Variants in AP3B1 observed in about 807,000 individuals in gnomAD.
AP3B1 encodes the protein adaptor related protein complex 3 subunit beta 1.
Under a neutral mutation model 132.5 loss-of-function variants are expected in AP3B1, and 61 were observed. That is an observed-to-expected ratio of 0.46 (90% CI 0.37 to 0.57). The LOEUF is 0.57. Among genes scored for constraint, AP3B1 ranks in the 20% least tolerant of loss-of-function variants. The pLI is 0.00. For missense variants in AP3B1, 1,120 were observed against 1,289.4 expected (o/e 0.87, Z 2.01); for synonymous variants, 388 against 438.3 (o/e 0.89, Z 1.43).
At chr5:78,055,030 C>G (rs917713487) in intron 22 of AP3B1, among the ~76,000 whole-genome samples, 1 of 147,664 alleles carries the variant, frequency 6.8e-6, no homozygotes, top group African/African-American at 2.6e-5. Flanking sequence ...CACACACACA[C>G]ACACACACAC....
At chr5:78,276,353 C>T (rs2112575306) in intron 1 of AP3B1, among the ~76,000 whole-genome samples, 1 of 152,238 alleles carries the variant, frequency 6.6e-6, no homozygotes, top group South Asian at 2.1e-4. Flanking sequence ...CAAGTGTGAG[C>T]CACCATGCCA....
At chr5:78,124,838 T>C (rs1752393237) in intron 17 of AP3B1, among the ~76,000 whole-genome samples, 1 of 152,212 alleles carries the variant, frequency 6.6e-6, no homozygotes, top group Non-Finnish European at 1.5e-5. Context: ...AAAACGTTTG[T>C]TGGATTAATT....
chr5:78,057,441 A>T (rs371883352), intron 22 of AP3B1, among the ~76,000 whole-genome samples: 1 of 152,322 alleles, frequency 6.6e-6, no homozygotes, highest in East Asian at 1.9e-4. Context: ...CTAGCCAGGG[A>T]GATAATCATA....
intron 26 of AP3B1, among the ~76,000 whole-genome samples, chr5:78,003,835 A>T (rs895296816): frequency 2.6e-5 from 4 of 152,198 alleles, no homozygotes; most frequent in African/African-American, 9.7e-5. Context: ...ACTGCAATTG[A>T]CTGAAAAGCC....
intron 21 of AP3B1, among the ~76,000 whole-genome samples, chr5:78,095,118 CTG>C (rs1236927042): frequency 6.6e-6 from 1 of 152,182 alleles, no homozygotes; most frequent in Non-Finnish European, 1.5e-5. Flanking sequence ...GCCAGTTTAT[CTG>C]TTTTTCCCAT....
At chr5:78,183,430 AATAG>A in intron 7 of AP3B1, among the ~76,000 whole-genome samples, 1 of 152,342 alleles carries the variant, frequency 6.6e-6, no homozygotes, top group South Asian at 2.1e-4. Context: ...ACTGAATAAA[AATAG>A]ATAACTAGCA....
chr5:78,165,346 C>A (rs1425231408), intron 12 of AP3B1, among the ~76,000 whole-genome samples: 2 of 151,978 alleles, frequency 1.3e-5, no homozygotes. Context: ...GAAATTCTTA[C>A]CAGAAATACA....
chr5:78,204,743 G>A (rs903671014), intron 7 of AP3B1, among the ~76,000 whole-genome samples: 4 of 152,136 alleles, frequency 2.6e-5, no homozygotes, highest in East Asian at 1.9e-4. Flanking sequence ...ACCTCTTTGC[G>A]AACAGAATCT....
intron 7 of AP3B1, among the ~76,000 whole-genome samples, chr5:78,183,306 TCAAA>T (rs1744446171): frequency 6.6e-6 from 1 of 152,132 alleles, no homozygotes; most frequent in Non-Finnish European, 1.5e-5. Context: ...TAGAGTGGTA[TCAAA>T]CAAAGCCAGT....
chr5:78,201,470 T>G (rs191721899), intron 7 of AP3B1, among the ~76,000 whole-genome samples: 53 of 152,310 alleles, frequency 3.5e-4, no homozygotes, highest in Non-Finnish European at 5.9e-4. Context: ...AAAATAACAC[T>G]GAAAATATTA....
chr5:78,262,884 G>T (rs1023090233), intron 2 of AP3B1, among the ~76,000 whole-genome samples: 5 of 151,854 alleles, frequency 3.3e-5, no homozygotes, highest in African/African-American at 1.2e-4. Context: ...AGTCTAGGCT[G>T]GTCTAAAACT....
intron 2 of AP3B1, among the ~76,000 whole-genome samples, chr5:78,251,850 GGCA>G (rs1747649931): frequency 6.6e-6 from 1 of 152,170 alleles, no homozygotes; most frequent in Non-Finnish European, 1.5e-5. Flanking sequence ...TACCACCTGG[GGCA>G]GCCAAGGGAG....
chr5:78,222,041 T>C (rs1746198751), intron 6 of AP3B1: 1 of 151,600 alleles, frequency 6.6e-6, no homozygotes. Context: ...CACTAAACAA[T>C]ATAATTAGGC....
intron 3 of AP3B1, among the ~76,000 whole-genome samples, chr5:78,228,616 A>C (rs1746497465): frequency 6.6e-6 from 1 of 152,226 alleles, no homozygotes; most frequent in African/African-American, 2.4e-5. Flanking sequence ...GCTACACAGG[A>C]GGCTGAGGCA....
intron 15 of AP3B1, among the ~76,000 whole-genome samples, chr5:78,137,364 G>C (rs1752964133): frequency 6.6e-6 from 1 of 152,020 alleles, no homozygotes; most frequent in Non-Finnish European, 1.5e-5. Flanking sequence ...CAAAAACTTA[G>C]GTACAATTAC....
intron 17 of AP3B1, among the ~76,000 whole-genome samples, chr5:78,127,040 T>C (rs569249324): frequency 1.4e-4 from 22 of 152,310 alleles, no homozygotes; most frequent in African/African-American, 5.1e-4. Context: ...CGGCCATGCT[T>C]CAAAGCCAGG....
chr5:78,109,646 T>C (rs972187220), intron 20 of AP3B1, among the ~76,000 whole-genome samples: 2 of 152,142 alleles, frequency 1.3e-5, no homozygotes, highest in African/African-American at 4.8e-5. Flanking sequence ...ACATTTTATA[T>C]TAATAACTAT....
intron 11 of AP3B1, among the ~76,000 whole-genome samples, chr5:78,167,785 A>G (rs1271319343): frequency 6.6e-6 from 1 of 152,138 alleles, no homozygotes; most frequent in African/African-American, 2.4e-5. Context: ...CAAACATCGT[A>G]TGTTCTCACT....
At chr5:78,061,855 A>G (rs1749075579) in intron 22 of AP3B1, among the ~76,000 whole-genome samples, 1 of 152,162 alleles carries the variant, frequency 6.6e-6, no homozygotes, top group Non-Finnish European at 1.5e-5. Context: ...TCTTCTTTCC[A>G]AACAAGTGAC....
Sources: gnomAD v4.1 joint callset for allele counts (sites outside exome capture counted in the v4.1 genomes callset) on GRCh38, gnomAD v4.1.1 for gene constraint, MANE v1.5 for transcripts, NCBI Gene and HGNC (gene_info 2026-07-23, HGNC 2026-07-21) for gene names.